Variants in RPS6KA5 observed in about 807,000 individuals in gnomAD.
RPS6KA5 encodes ribosomal protein S6 kinase alpha-5.
A neutral mutation model predicts 85.5 loss-of-function variants in RPS6KA5; 27 were observed. That is an observed-to-expected ratio of 0.32 (90% CI 0.23 to 0.44). The LOEUF is 0.44. Ranked by LOEUF, RPS6KA5 falls within the 20% of genes least tolerant of loss-of-function variation. The probability of loss-of-function intolerance (pLI) is 1.00; values close to 1 mark genes in which losing one functional copy is unlikely to be tolerated. For synonymous variants in RPS6KA5, 334 were observed against 348.2 expected, an observed-to-expected ratio of 0.96 and a Z score of 0.46; for missense variants, 811 against 980.9, an observed-to-expected ratio of 0.83 and a Z score of 2.31.
At chr14:90,891,826 A>G (rs2034579906) in intron 13 of RPS6KA5, among the ~76,000 whole-genome samples, 1 of 152,122 alleles carries the variant, frequency 6.6e-6, no homozygotes, top group South Asian at 2.1e-4. Flanking sequence ...CGTGCTTGGG[A>G]GAAGTCTTTT....
intron 2 of RPS6KA5, among the ~76,000 whole-genome samples, chr14:90,986,862 C>T (rs2140512295): frequency 6.6e-6 from 1 of 152,370 alleles, no homozygotes; most frequent in East Asian, 1.9e-4. Flanking sequence ...GCTTAGACCA[C>T]ATGCCTGTTT....
intron 3 of RPS6KA5, among the ~76,000 whole-genome samples, chr14:90,972,615 A>G (rs1184617347): frequency 6.6e-6 from 1 of 152,210 alleles, no homozygotes; most frequent in Non-Finnish European, 1.5e-5. Flanking sequence ...CAAGTTCTCT[A>G]TGCAAAAAAT....
chr14:90,988,692 A>G (rs2040172139), intron 2 of RPS6KA5, among the ~76,000 whole-genome samples: 1 of 152,158 alleles, frequency 6.6e-6, no homozygotes, highest in African/African-American at 2.4e-5. Flanking sequence ...GGGCGTCTGT[A>G]ATCCTAGCTA....
chr14:90,926,059 AAGAC>A (rs1191640485), intron 5 of RPS6KA5, among the ~76,000 whole-genome samples: 3 of 152,176 alleles, frequency 2.0e-5, no homozygotes, highest in Non-Finnish European at 4.4e-5. Flanking sequence ...CAGCTGAAGA[AAGAC>A]AGTAAATTAG....
At chr14:91,059,547 A>C (rs2043528618) in intron 1 of RPS6KA5, among the ~76,000 whole-genome samples, 1 of 152,206 alleles carries the variant, frequency 6.6e-6, no homozygotes, top group African/African-American at 2.4e-5. Context: ...ATTTTCCAAA[A>C]TGAACAACCT....
chr14:91,040,340 G>A (rs997075149), intron 1 of RPS6KA5, among the ~76,000 whole-genome samples: 9 of 152,178 alleles, frequency 5.9e-5, no homozygotes, highest in African/African-American at 1.9e-4. Flanking sequence ...CCCGAGAGGT[G>A]GAGGTTCCAG....
chr14:90,982,311 T>C (rs1264495999), intron 2 of RPS6KA5, among the ~76,000 whole-genome samples: 1 of 149,978 alleles, frequency 6.7e-6, no homozygotes, highest in Non-Finnish European at 1.5e-5. Flanking sequence ...ATAAACAAAA[T>C]AGGGACTGGG....
In RPS6KA5 at chr14:90,863,359, T is replaced by C. The variant is rs1482648842; in HGVS notation, c.*8715A>G. ...AAGAAAAGAAAAAAATATATATATA[T>C]AGAATAGAAAAATATTGAATTCTTA... On this transcript the variant is annotated 3_prime_UTR_variant, in exon 17 of 17. Coordinates refer to ENST00000614987, the MANE Select transcript of RPS6KA5 (RefSeq NM_004755.4). 7.3e-6 allele frequency: 1 copy of C among 137,164 alleles called. No individual in the cohort carries two copies. The highest frequency in any genetic ancestry group is 7.2e-5 in the Admixed American group (1 of 13,876). 8.5% of individuals were successfully genotyped at this position (137,164 alleles called of 1,614,324 possible).
intron 5 of RPS6KA5, among the ~76,000 whole-genome samples, chr14:90,936,077 TATGGAAG>T (rs1166234622): frequency 1.5e-4 from 23 of 152,342 alleles, no homozygotes; most frequent in African/African-American, 5.1e-4. Context: ...AAAAAAATTC[TATGGAAG>T]ATATATATTA....
At chr14:90,887,795 T>A (rs1450225478) in intron 14 of RPS6KA5, among the ~76,000 whole-genome samples, 19 of 139,766 alleles carry the variant, frequency 1.4e-4, no homozygotes, top group African/African-American at 4.2e-4. Flanking sequence ...CTTTTCTATT[T>A]AAAAAAAAAA....
intron 5 of RPS6KA5, among the ~76,000 whole-genome samples, chr14:90,931,363 T>C (rs2036966422): frequency 6.6e-6 from 1 of 151,936 alleles, no homozygotes; most frequent in Admixed American, 6.6e-5. Context: ...AGTAGAATGG[T>C]GGCTGCTGGG....
intron 4 of RPS6KA5, among the ~76,000 whole-genome samples, chr14:90,945,019 A>G (rs1488095378): frequency 6.6e-6 from 1 of 152,056 alleles, no homozygotes; most frequent in African/African-American, 2.4e-5. Flanking sequence ...TGGGAAGCCA[A>G]GATGGGAGGA....
Position 90,858,961 on chromosome 14 carries a change from A to G in RPS6KA5, c.*13113T>C, listed in dbSNP as rs1437033588. ...CAGTATCTCCTTGAGGTGTCTGCCA[A>G]TTGCAGACTCCTGTGCAACAAGGTG... is the stretch of plus-strand genomic sequence containing the variant. On this transcript the variant is annotated 3_prime_UTR_variant, in exon 17 of 17. Coordinates refer to ENST00000614987, the MANE Select transcript of RPS6KA5 (RefSeq NM_004755.4). 6.6e-6 allele frequency: 1 copy of G among 152,200 alleles called. No homozygotes were observed. Among genetic ancestry groups the G allele is most frequent in the African/African-American group, 2.4e-5 (1 of 41,440 alleles). 9.4% of individuals were successfully genotyped at this position (152,200 alleles called of 1,614,324 possible).
At chr14:90,939,472 T>A (rs1188287681) in intron 5 of RPS6KA5, among the ~76,000 whole-genome samples, 5 of 152,190 alleles carry the variant, frequency 3.3e-5, no homozygotes, top group Non-Finnish European at 5.9e-5. Flanking sequence ...TCTGTTTTCA[T>A]ACTGCTGATA....
At chr14:91,051,243 A>AAAATAAATAAAT (rs59888963) in intron 1 of RPS6KA5, among the ~76,000 whole-genome samples, 2 of 144,406 alleles carry the variant, frequency 1.4e-5, no homozygotes, top group African/African-American at 2.6e-5. Flanking sequence ...TGTCTAAATA[A>AAAATAAATAAAT]AAATAAATAA....
chr14:91,003,360 A>G (rs1461233391), intron 1 of RPS6KA5, among the ~76,000 whole-genome samples: 1 of 152,220 alleles, frequency 6.6e-6, no homozygotes, highest in Non-Finnish European at 1.5e-5. Flanking sequence ...GGAAATTAAA[A>G]GAGGTTATAA....
chr14:90,906,319 G>A lies in RPS6KA5; in HGVS notation c.807-20C>T. ...ATTCTCCTGTAGGCAGACAAAACTTGCTGTTAAAACAAACAGGATGACAAA... is the reference window on the plus strand; with the variant it reads ...ATTCTCCTGTAGGCAGACAAAACTTACTGTTAAAACAAACAGGATGACAAA... On this transcript the variant is annotated intron_variant, in intron 7 of 16. Transcript: ENST00000614987. The A allele has an allele frequency of 6.5e-7, 1 of 1,528,504 alleles. No individual in the cohort carries two copies. The highest frequency in any genetic ancestry group is 8.8e-7 in the Non-Finnish European group (1 of 1,130,894). The allele number at this position is 1,528,504 out of a possible 1,614,324, so 94.7% of individuals were successfully genotyped here. A position where few individuals can be genotyped will look rare whatever the true frequency, so the allele number is the denominator to read the frequency against.
intron 5 of RPS6KA5, among the ~76,000 whole-genome samples, chr14:90,937,611 G>A (rs886752667): frequency 6.6e-6 from 1 of 152,124 alleles, no homozygotes; most frequent in Non-Finnish European, 1.5e-5. Flanking sequence ...AAAAGAAAGA[G>A]GTTTAATGGG....
rs2035116222 is a variant in RPS6KA5 at position 90,900,700 on chromosome 14, G to A, written c.1156C>T (p.Arg386Cys). The stretch of plus-strand genomic sequence containing the variant: ...AGAGGGTCTATGACAGCTGCATTAC[G>A]CTTGAATAGGATGGAAGGAGCAACA... ...SFVAPSILFK[R>C]NAAVIDPLQF... The change falls in exon 10 of 17, where the codon CGT (arginine) becomes TGT (cysteine). Residue 386 changes from arginine to cysteine, a missense_variant. Coordinates refer to ENST00000614987, the MANE Select transcript of RPS6KA5 (RefSeq NM_004755.4). The A allele has an allele frequency of 3.7e-6, 6 of 1,613,452 alleles. No homozygotes were observed. Among genetic ancestry groups the A allele is most frequent in the African/African-American group, 1.3e-5 (1 of 75,000 alleles).
Sources: allele counts gnomAD v4.1 joint callset (sites outside exome capture counted in the v4.1 genomes callset), GRCh38; gene constraint gnomAD v4.1.1; transcripts MANE v1.5; gene names NCBI Gene and HGNC (gene_info 2026-07-23, HGNC 2026-07-21).